Variants in LCA5L observed in about 807,000 individuals in gnomAD.
LCA5L encodes lebercilin LCA5 like.
A neutral mutation model predicts 45.4 loss-of-function variants in LCA5L; 35 were observed. The observed-to-expected ratio is 0.77, with a 90% CI of 0.59 to 1.02. The LOEUF is 1.02. Ranked by LOEUF, LCA5L falls within the 50% of genes least tolerant of loss-of-function variation. LCA5L has a pLI of 0.00. For synonymous variants in LCA5L, 233 were observed against 264.7 expected (o/e 0.88, Z 1.16); for missense variants, 668 against 761.6 (o/e 0.88, Z 1.45).
At chr21:39,441,500 A>G (rs1009743815) in intron 2 of LCA5L, among the ~76,000 whole-genome samples, 1 of 152,236 alleles carries the variant, frequency 6.6e-6, no homozygotes. Context: ...ATATACCTAT[A>G]TATATAAGCA....
intron 2 of LCA5L, among the ~76,000 whole-genome samples, chr21:39,442,845 G>A (rs1253221612): frequency 6.6e-6 from 1 of 152,138 alleles, no homozygotes; most frequent in Non-Finnish European, 1.5e-5. Flanking sequence ...AAGAGCACAG[G>A]GCTGGAACTT....
At chr21:39,430,871 A>T (rs2075641703) in intron 3 of LCA5L, among the ~76,000 whole-genome samples, 1 of 152,230 alleles carries the variant, frequency 6.6e-6, no homozygotes, top group Non-Finnish European at 1.5e-5. Flanking sequence ...CGACGTTTGC[A>T]ATTGTCCCTC....
chr21:39,436,536 C>T (rs2076301332), intron 2 of LCA5L, among the ~76,000 whole-genome samples: 1 of 152,132 alleles, frequency 6.6e-6, no homozygotes, highest in Non-Finnish European at 1.5e-5. Context: ...GGCTGGAGTG[C>T]AGTGGTGTTA....
chr21:39,431,157 A>G (rs372701666), intron 3 of LCA5L, among the ~76,000 whole-genome samples: 51 of 152,188 alleles, frequency 3.4e-4, no homozygotes, highest in African/African-American at 1.2e-3. Context: ...TAGCTGTGAG[A>G]AAGGTGGTGG....
At chr21:39,445,540 T>A (rs2077392412) in intron 1 of LCA5L, 185 bp downstream of exon 1, 1 of 152,656 alleles carries the variant, frequency 6.6e-6, no homozygotes. Flanking sequence ...TAGCTGTTCC[T>A]TGGCAAACTG....
intron 2 of LCA5L, chr21:39,436,135 ATAAT>A (rs948700806): frequency 2.0e-5 from 3 of 152,228 alleles, no homozygotes; most frequent in African/African-American, 7.2e-5. Flanking sequence ...TTGAACATAA[ATAAT>A]TAAAGTTTTT....
chr21:39,414,034 A>C (rs2040582277), intron 7 of LCA5L: 1 of 152,264 alleles, frequency 6.6e-6, no homozygotes, highest in Non-Finnish European at 1.5e-5. Context: ...CTGGGCCAGA[A>C]GTCTAACACA....
chr21:39,436,551 A>G (rs1489503747), intron 2 of LCA5L, among the ~76,000 whole-genome samples: 1 of 152,182 alleles, frequency 6.6e-6, no homozygotes, highest in Admixed American at 6.5e-5. Context: ...GTGTTAGCTC[A>G]GCTCACTGCA....
At chr21:39,411,928 G>A (rs1569069892) in intron 7 of LCA5L, 126 bp from the exon 8 acceptor site, 10 of 579,790 alleles carry the variant, frequency 1.7e-5, no homozygotes, top group Non-Finnish European at 3.1e-5. Flanking sequence ...AGAAGAAACA[G>A]AAATAGGCCA....
intron 3 of LCA5L, among the ~76,000 whole-genome samples, chr21:39,433,596 G>A (rs2075978809): frequency 1.3e-5 from 2 of 151,966 alleles, no homozygotes; most frequent in South Asian, 4.1e-4. Context: ...GCATCTAATT[G>A]CTTCAGCACC....
intron 7 of LCA5L, among the ~76,000 whole-genome samples, chr21:39,419,822 A>T (rs1426040377): frequency 6.6e-6 from 1 of 152,196 alleles, no homozygotes; most frequent in African/African-American, 2.4e-5. Context: ...TAAGCATCTT[A>T]TCTAAATTGT....
At chr21:39,438,329 C>A (rs1360318241) in intron 2 of LCA5L, among the ~76,000 whole-genome samples, 1 of 152,032 alleles carries the variant, frequency 6.6e-6, no homozygotes, top group Non-Finnish European at 1.5e-5. Flanking sequence ...ATTTCTTACA[C>A]TAAAATGACG....
chr21:39,410,171 C>G, intron 9 of LCA5L, 75 bp from the exon 10 acceptor site: 2 of 1,256,860 alleles, frequency 1.6e-6, no homozygotes, highest in South Asian at 2.5e-5. Context: ...ATTCTAATGA[C>G]TACAAATACT....
intron 7 of LCA5L, among the ~76,000 whole-genome samples, chr21:39,418,665 A>C (rs1480015846): frequency 6.6e-6 from 1 of 151,930 alleles, no homozygotes; most frequent in East Asian, 2.0e-4. Flanking sequence ...ATGCCAAGCT[A>C]ATTTTTGTAT....
chr21:39,439,271 T>G (rs935922867), intron 2 of LCA5L, among the ~76,000 whole-genome samples: 3 of 152,190 alleles, frequency 2.0e-5, no homozygotes, highest in Admixed American at 6.5e-5. Flanking sequence ...GGGAAGGGAA[T>G]GATCCTCCCT....
intron 7 of LCA5L, among the ~76,000 whole-genome samples, chr21:39,418,161 C>T (rs1025274495): frequency 1.3e-5 from 2 of 152,162 alleles, no homozygotes; most frequent in Admixed American, 6.5e-5. Context: ...ATCTAATTAC[C>T]TCCCACTGGG....
chr21:39,414,718 CT>C (rs869153280), intron 7 of LCA5L, among the ~76,000 whole-genome samples: 3 of 41,826 alleles, frequency 7.2e-5, no homozygotes, highest in Admixed American at 3.1e-4. Context: ...CTCTCCCTCT[CT>C]CTCTCTCTCT....
chr21:39,431,280 C>A (rs1275565218), intron 3 of LCA5L, among the ~76,000 whole-genome samples: 1 of 152,050 alleles, frequency 6.6e-6, no homozygotes. Context: ...TTTGCAGGAT[C>A]CTTATAGCTA....
intron 2 of LCA5L, among the ~76,000 whole-genome samples, chr21:39,441,481 A>G (rs563290968): frequency 6.6e-6 from 1 of 152,360 alleles, no homozygotes; most frequent in South Asian, 2.1e-4. Context: ...ACTAAAATCC[A>G]TAAATGAAAT....
Sources: gnomAD v4.1 joint callset for allele counts (sites outside exome capture counted in the v4.1 genomes callset) on GRCh38, gnomAD v4.1.1 for gene constraint, MANE v1.5 for transcripts, NCBI Gene and HGNC (gene_info 2026-07-23, HGNC 2026-07-21) for gene names.